The following CSRP3 variants were observed in gnomAD, a reference collection of about 807,000 sequenced individuals.
CSRP3 encodes the protein cysteine and glycine rich protein 3, also known as cysteine and glycine-rich protein 3.
Under a neutral mutation model 24.3 loss-of-function variants are expected in CSRP3, and 24 were observed. That is an observed-to-expected ratio of 0.99 (90% CI 0.71 to 1.39). The LOEUF is 1.39. CSRP3 is among the 40% of genes most tolerant of loss of function. The probability of loss-of-function intolerance (pLI) is 0.00; values close to 1 mark genes in which losing one functional copy is unlikely to be tolerated. For missense variants in CSRP3, 240 were observed against 249.0 expected (o/e 0.96, Z 0.24); for synonymous variants, 105 against 94.0 (o/e 1.12, Z -0.68).
At chr11:19,185,842 C>G (rs527252544) in intron 4 of CSRP3, among the ~76,000 whole-genome samples, 2 of 152,116 alleles carry the variant, frequency 1.3e-5, no homozygotes, top group Non-Finnish European at 2.9e-5. Flanking sequence ...TCTGCTATAT[C>G]CATTGGTCAT....
Position 19,196,123 on chromosome 11 carries a change from C to T in CSRP3, c.-28-3647G>A, listed in dbSNP as rs551622737. On this transcript the variant is annotated intron_variant, in intron 1 of 5. Coordinates refer to ENST00000265968, the MANE Select transcript of CSRP3 (RefSeq NM_003476.5). ...ACTAAAAATACAAAAATCAGCTGGG[C>T]GTGGTGGCATGCACCTGTAGTCCCA... Among the ~76,000 whole-genome samples the T allele has an allele frequency of 3.3e-5, 5 of 152,168 alleles. No homozygotes were observed. The South Asian group carries it at 6.2e-4, about 19-fold the overall frequency.
In CSRP3 at chr11:19,190,936, G is replaced by C. The variant is rs115309254; in HGVS notation, c.112+1401C>G. 8.2e-3 allele frequency among the ~76,000 whole-genome samples: 1,248 copies of C among 152,164 alleles called. 25 individuals carry two copies. Among genetic ancestry groups the C allele is most frequent in the African/African-American group, 0.028 (1,174 of 41,518 alleles). On this transcript the variant is annotated intron_variant, in intron 2 of 5. Coordinates refer to ENST00000265968, the MANE Select transcript of CSRP3 (RefSeq NM_003476.5). Reference sequence around the variant, plus strand: ...CTTCTACTATAACTCCTTTGAACAGGGCATCTTCCTCCTACCTGGGAAAGA... The same window carrying C: ...CTTCTACTATAACTCCTTTGAACAGCGCATCTTCCTCCTACCTGGGAAAGA...
At chr11:19,183,644 C>T (rs868240536) in intron 5 of CSRP3, among the ~76,000 whole-genome samples, 13 of 152,046 alleles carry the variant, frequency 8.6e-5, no homozygotes, top group Admixed American at 4.6e-4. Context: ...CTACTGACTT[C>T]GGCAATATTT....
chr11:19,182,621 T>C lies in CSRP3; in HGVS notation c.*49A>G, dbSNP rs1312376094. 2 of 1,433,512 alleles carry C rather than the reference T, an allele frequency of 1.4e-6. No individual in the cohort carries two copies. Among genetic ancestry groups the C allele is most frequent in the Non-Finnish European group, 2.0e-6 (2 of 1,015,010 alleles). 88.8% of individuals were successfully genotyped at this position (1,433,512 alleles called of 1,614,324 possible). A position where few individuals can be genotyped will look rare whatever the true frequency, so the allele number is the denominator to read the frequency against. ...AAGGTATCGATCTGTGCAGGATTAC[T>C]TGGCAAGTGTTTTAGGCTCGCAAAA... On this transcript the variant is annotated 3_prime_UTR_variant, in exon 6 of 6. Coordinates refer to ENST00000265968, the MANE Select transcript of CSRP3 (RefSeq NM_003476.5).
chr11:19,182,643 A>G lies in CSRP3; in HGVS notation c.*27T>C, dbSNP rs1850454299. The G allele has an allele frequency of 1.1e-5, 18 of 1,605,324 alleles. No individual in the cohort carries two copies. Among genetic ancestry groups the G allele is most frequent in the Non-Finnish European group, 1.5e-5 (17 of 1,172,088 alleles). ...TACTTGGCAAGTGTTTTAGGCTCGC[A>G]AAAAATCTGAGAAACGGCGCACCTC... On this transcript the variant is annotated 3_prime_UTR_variant, in exon 6 of 6. Transcript: ENST00000265968.
intron 4 of CSRP3, 36 bp from the exon 5 acceptor site, chr11:19,185,081 T>A: frequency 6.9e-7 from 1 of 1,452,804 alleles, no homozygotes; most frequent in Non-Finnish European, 9.7e-7. Flanking sequence ...TTTAATGAGG[T>A]AGGCAACACA....
chr11:19,188,542 T>G (rs1329805823), intron 2 of CSRP3, among the ~76,000 whole-genome samples: 3 of 151,286 alleles, frequency 2.0e-5, no homozygotes, highest in Non-Finnish European at 4.4e-5. Context: ...GAAGCTAGCA[T>G]TAGAACGAGA....
chr11:19,182,777 C>G (rs113174709), intron 5 of CSRP3, 31 bp from the exon 6 acceptor site: 1 of 1,517,816 alleles, frequency 6.6e-7, no homozygotes, highest in Non-Finnish European at 9.2e-7. Context: ...AAGGGAGAGA[C>G]AATGCATTGG....
intron 1 of CSRP3, among the ~76,000 whole-genome samples, chr11:19,201,375 C>T (rs897398994): frequency 1.3e-5 from 2 of 152,212 alleles, no homozygotes; most frequent in African/African-American, 4.8e-5. Context: ...TTCACCACGA[C>T]CTTTTGAATA....
chr11:19,185,081 T>C (rs374127672), intron 4 of CSRP3, 36 bp from the exon 5 acceptor site: 1 of 1,452,686 alleles, frequency 6.9e-7, no homozygotes, highest in Non-Finnish European at 9.7e-7. Flanking sequence ...TTTAATGAGG[T>C]AGGCAACACA....
chr11:19,191,915 G>C (rs1311557726), intron 2 of CSRP3, among the ~76,000 whole-genome samples: 1 of 152,192 alleles, frequency 6.6e-6, no homozygotes, highest in Non-Finnish European at 1.5e-5. Context: ...GACAAGACCA[G>C]TCACAGCTGG....
At chr11:19,191,650 A>G (rs2093916289) in intron 2 of CSRP3, among the ~76,000 whole-genome samples, 1 of 152,122 alleles carries the variant, frequency 6.6e-6, no homozygotes, top group African/African-American at 2.4e-5. Context: ...GTGAGAAATG[A>G]CTTATCGAAA....
intron 2 of CSRP3, among the ~76,000 whole-genome samples, chr11:19,189,673 A>G (rs1233797699): frequency 6.6e-6 from 1 of 152,190 alleles, no homozygotes; most frequent in Non-Finnish European, 1.5e-5. Flanking sequence ...AGGATTAGCC[A>G]GGGGCTGATG....
At chr11:19,183,643 T>G (rs1038180842) in intron 5 of CSRP3, among the ~76,000 whole-genome samples, 21 of 152,162 alleles carry the variant, frequency 1.4e-4, no homozygotes, top group African/African-American at 5.1e-4. Flanking sequence ...CCTACTGACT[T>G]CGGCAATATT....
In CSRP3 at chr11:19,190,617, T is replaced by G. The variant is rs999069585; in HGVS notation, c.112+1720A>C. Among the ~76,000 whole-genome samples the G allele has an allele frequency of 3.3e-4, 50 of 152,370 alleles. 1 individual carries two copies. Among genetic ancestry groups the G allele is most frequent in the African/African-American group, 1.1e-3 (47 of 41,584 alleles). Reference sequence around the variant, plus strand: ...CAGCAAACTTACTTTCTAGATTTCATGATTAGTCTAGAGATTTAATTGTGA... The same window carrying G: ...CAGCAAACTTACTTTCTAGATTTCAGGATTAGTCTAGAGATTTAATTGTGA... On this transcript the variant is annotated intron_variant, in intron 2 of 5. Transcript: ENST00000265968.
chr11:19,194,118 C>CTGT (rs1850658759), intron 1 of CSRP3, among the ~76,000 whole-genome samples: 1 of 152,176 alleles, frequency 6.6e-6, no homozygotes, highest in Admixed American at 6.5e-5. Flanking sequence ...GCGATTAACA[C>CTGT]TAAGCCCTCC....
At chr11:19,193,963 AG>A (rs1387699241) in intron 1 of CSRP3, among the ~76,000 whole-genome samples, 2 of 152,334 alleles carry the variant, frequency 1.3e-5, no homozygotes, top group African/African-American at 4.8e-5. Context: ...TCAGCTGCCC[AG>A]GGGAGCTGCA....
intron 1 of CSRP3, among the ~76,000 whole-genome samples, chr11:19,200,876 A>G (rs915007486): frequency 1.3e-5 from 2 of 152,170 alleles, no homozygotes; most frequent in African/African-American, 4.8e-5. Context: ...CCTTCCCTGC[A>G]TAGAGCTGCC....
At chr11:19,192,500 C>G in intron 1 of CSRP3, 24 bp from the exon 2 acceptor site, 1 of 1,448,552 alleles carries the variant, frequency 6.9e-7, no homozygotes, top group Non-Finnish European at 9.7e-7. Context: ...AAGCAAATAC[C>G]CTACATTGAA....
Sources: gnomAD v4.1 joint callset for allele counts (sites outside exome capture counted in the v4.1 genomes callset) on GRCh38, gnomAD v4.1.1 for gene constraint, MANE v1.5 for transcripts, NCBI Gene and HGNC (gene_info 2026-07-23, HGNC 2026-07-21) for gene names.